RGS7: variants seen among roughly 807,000 people sequenced by gnomAD.
RGS7 encodes regulator of G protein signaling 7.
RGS7 carries 27 observed loss-of-function variants against 81.1 expected under a neutral mutation model. The ratio of observed to expected loss-of-function variants is 0.33; its 90% CI spans 0.25 to 0.46. The LOEUF (loss-of-function observed/expected upper bound fraction) is 0.46. Among genes scored for constraint, RGS7 ranks in the 20% least tolerant of loss-of-function variants. The pLI, the probability that RGS7 is intolerant of heterozygous loss-of-function variation, is 1.00. For missense variants in RGS7, 396 were observed against 607.4 expected (o/e 0.65, Z 3.66); for synonymous variants, 208 against 207.7 (o/e 1.00, Z -0.01).
At chr1:240,942,188 A>G (rs1048674093) in intron 4 of RGS7, among the ~76,000 whole-genome samples, 60 of 152,344 alleles carry the variant, frequency 3.9e-4, no homozygotes, top group African/African-American at 1.4e-3. Flanking sequence ...AATTCTCCAC[A>G]GCATAATTTG....
chr1:241,016,236 A>G (rs114301209), intron 3 of RGS7, among the ~76,000 whole-genome samples: 6,307 of 152,174 alleles, frequency 0.041, 425 homozygotes, highest in African/African-American at 0.14. Flanking sequence ...ATAAAAACTC[A>G]TGTCTGGGTG....
intron 15 of RGS7, among the ~76,000 whole-genome samples, chr1:240,804,282 C>T (rs1204510527): frequency 6.6e-6 from 1 of 152,100 alleles, no homozygotes; most frequent in African/African-American, 2.4e-5. Context: ...ATGGCAGGTA[C>T]TCTTTTAAGT....
intron 2 of RGS7, among the ~76,000 whole-genome samples, chr1:241,290,304 C>T (rs922930325): frequency 3.9e-5 from 6 of 152,126 alleles, no homozygotes; most frequent in East Asian, 1.9e-4. Context: ...TTCCAAAGAA[C>T]GTGTGCATAT....
At chr1:240,965,082 G>T (rs1352822500) in intron 4 of RGS7, among the ~76,000 whole-genome samples, 5 of 152,130 alleles carry the variant, frequency 3.3e-5, no homozygotes, top group African/African-American at 1.2e-4. Context: ...TTATTGCATT[G>T]AACTGTACTC....
At position 241,029,011 on chromosome 1, in the gene RGS7, G is replaced by A. The variant is rs1206588199; in HGVS notation, c.176-45882C>T. On this transcript the variant is annotated intron_variant, in intron 3 of 18. Transcript: ENST00000440928. ...GAAAGGATGTTCCAGCCAAGAGATT[G>A]GACCAACGTGGGCAGGCGGGAGAAA... is the stretch of plus-strand genomic sequence containing the variant. 3.3e-5 allele frequency among the ~76,000 whole-genome samples: 5 copies of A among 152,236 alleles called. No individual in the cohort carries two copies. The East Asian group carries it at 9.7e-4, about 29-fold the overall frequency.
At chr1:241,291,269 G>A (rs1016544494) in intron 2 of RGS7, among the ~76,000 whole-genome samples, 6 of 152,184 alleles carry the variant, frequency 3.9e-5, no homozygotes, top group African/African-American at 1.4e-4. Context: ...ATGGGTCTCA[G>A]AGAATTGGTA....
intron 2 of RGS7, among the ~76,000 whole-genome samples, chr1:241,106,514 G>A (rs373242297): frequency 3.3e-5 from 5 of 152,114 alleles, no homozygotes; most frequent in African/African-American, 7.2e-5. Flanking sequence ...CGGAGTTTGA[G>A]ACCAGCCTGG....
intron 2 of RGS7, among the ~76,000 whole-genome samples, chr1:241,276,550 C>A (rs1033385372): frequency 1.3e-5 from 2 of 152,206 alleles, no homozygotes; most frequent in African/African-American, 4.8e-5. Context: ...CGATGACAAT[C>A]TGCTACGATT....
intron 3 of RGS7, among the ~76,000 whole-genome samples, chr1:241,081,629 A>G (rs1453198719): frequency 2.0e-5 from 3 of 152,260 alleles, no homozygotes; most frequent in Admixed American, 1.3e-4. Context: ...GTGCCTGCAC[A>G]ATGAATGGAT....
At chr1:241,297,859 C>T (rs2079517376) in intron 2 of RGS7, among the ~76,000 whole-genome samples, 1 of 152,112 alleles carries the variant, frequency 6.6e-6, no homozygotes, top group South Asian at 2.1e-4. Flanking sequence ...AAACAACCTG[C>T]CTCAAAATGG....
intron 2 of RGS7, among the ~76,000 whole-genome samples, chr1:241,244,783 A>T (rs1352874173): frequency 3.9e-5 from 6 of 152,106 alleles, no homozygotes; most frequent in Admixed American, 3.9e-4. Context: ...GCCATAAAAA[A>T]TGATGAGTTC....
At chr1:240,894,998 A>C (rs1018521772) in intron 6 of RGS7, among the ~76,000 whole-genome samples, 1 of 152,124 alleles carries the variant, frequency 6.6e-6, no homozygotes, top group African/African-American at 2.4e-5. Context: ...AGGTGTTTGG[A>C]CCATGAGGAT....
At chr1:241,174,511 A>G (rs368816268) in intron 2 of RGS7, among the ~76,000 whole-genome samples, 6 of 152,236 alleles carry the variant, frequency 3.9e-5, no homozygotes. Flanking sequence ...CCTAAAGCAC[A>G]CATTTATTTT....
In RGS7 at chr1:241,349,594, T is replaced by A. The variant is rs528701653; in HGVS notation, c.78+6105A>T. 2.6e-5 allele frequency among the ~76,000 whole-genome samples: 4 copies of A among 152,320 alleles called. No homozygotes were observed. In the South Asian group the frequency reaches 8.3e-4, roughly 32 times the overall value. ...GGCATTAAAAAGAAGCCAAGTTAAATTTGCATGGCTGTGGGCAAATGGCAG... is the reference window on the plus strand; with the variant it reads ...GGCATTAAAAAGAAGCCAAGTTAAAATTGCATGGCTGTGGGCAAATGGCAG... On this transcript the variant is annotated intron_variant, in intron 2 of 18. Transcript: ENST00000440928.
intron 2 of RGS7, among the ~76,000 whole-genome samples, chr1:241,130,927 CAAA>C (rs11365447): frequency 4.4e-5 from 4 of 90,174 alleles, no homozygotes; most frequent in East Asian, 5.5e-4. Context: ...GGCTTAATTA[CAAA>C]AAAAAAAAAA....
intron 2 of RGS7, among the ~76,000 whole-genome samples, chr1:241,155,938 T>C (rs559419203): frequency 2.0e-5 from 3 of 152,142 alleles, no homozygotes; most frequent in Non-Finnish European, 4.4e-5. Flanking sequence ...CCTTTCTTCA[T>C]GACTAGATAA....
At chr1:240,803,113 CT>C (rs1190824138) in intron 15 of RGS7, 120 bp from the exon 16 acceptor site, 1 of 726,462 alleles carries the variant, frequency 1.4e-6, no homozygotes, top group Non-Finnish European at 2.5e-6. Flanking sequence ...AATAACAATG[CT>C]GATTAGAATA....
At chr1:241,293,892 A>T (rs2079234120) in intron 2 of RGS7, among the ~76,000 whole-genome samples, 1 of 152,204 alleles carries the variant, frequency 6.6e-6, no homozygotes, top group Non-Finnish European at 1.5e-5. Context: ...GCGATTCCTC[A>T]AGGATCTAGA....
Position 241,230,589 on chromosome 1 carries a change from G to A in RGS7, c.78+125110C>T, listed in dbSNP as rs572250779. On this transcript the variant is annotated intron_variant, in intron 2 of 18. Coordinates refer to ENST00000440928, the MANE Select transcript of RGS7 (RefSeq NM_001364886.1). ...GCCCATCAACAATGGAGCCCACTTT[G>A]ACTCACAGTTCTGTGCTCTGAGTGA... 2.6e-5 allele frequency among the ~76,000 whole-genome samples: 4 copies of A among 152,346 alleles called. No individual in the cohort carries two copies. In the South Asian group the frequency reaches 8.3e-4, roughly 32 times the overall value.
Sources: allele counts gnomAD v4.1 joint callset (sites outside exome capture counted in the v4.1 genomes callset), GRCh38; gene constraint gnomAD v4.1.1; transcripts MANE v1.5; gene names NCBI Gene and HGNC (gene_info 2026-07-23, HGNC 2026-07-21).